The following COL11A1 variants were observed in gnomAD, a reference collection of about 807,000 sequenced individuals.
The protein encoded by COL11A1 is collagen alpha-1(XI) chain.
A neutral mutation model predicts 265.2 loss-of-function variants in COL11A1; 74 were observed. The observed-to-expected ratio is 0.28, with a 90% CI of 0.23 to 0.34. The LOEUF is 0.34. Among genes scored for constraint, COL11A1 ranks in the 10% least tolerant of loss-of-function variants. COL11A1 has a pLI of 1.00. For synonymous variants in COL11A1, 816 were observed against 727.6 expected (o/e 1.12, Z -1.96); for missense variants, 2,165 against 2,263.6 (o/e 0.96, Z 0.88).
At chr1:102,988,621 A>G (rs1246912984) in intron 29 of COL11A1, among the ~76,000 whole-genome samples, 1 of 150,898 alleles carries the variant, frequency 6.6e-6, no homozygotes, top group Non-Finnish European at 1.5e-5. Flanking sequence ...AAAGTGTTTG[A>G]CTTAATCAAT....
intron 38 of COL11A1, among the ~76,000 whole-genome samples, chr1:102,964,446 ACT>A (rs1260413443): frequency 6.6e-6 from 1 of 152,184 alleles, no homozygotes; most frequent in East Asian, 1.9e-4. Flanking sequence ...ATGTTTACAC[ACT>A]CTATAAAATA....
At chr1:102,929,514 G>T (rs1440823261) in intron 46 of COL11A1, among the ~76,000 whole-genome samples, 1 of 152,132 alleles carries the variant, frequency 6.6e-6, no homozygotes, top group East Asian at 1.9e-4. Context: ...ATAGTTTGAA[G>T]TCAGGTAGTG....
chr1:103,066,381 T>C (rs1671146375), intron 4 of COL11A1, among the ~76,000 whole-genome samples: 1 of 151,842 alleles, frequency 6.6e-6, no homozygotes, highest in Non-Finnish European at 1.5e-5. Context: ...GAGATTGAAA[T>C]GTTTCTGCAT....
intron 4 of COL11A1, among the ~76,000 whole-genome samples, chr1:103,054,898 T>A (rs1670120408): frequency 1.3e-5 from 2 of 151,982 alleles, no homozygotes; most frequent in African/African-American, 4.8e-5. Flanking sequence ...TGAAACTCTG[T>A]CTCAAAAAAA....
chr1:103,024,470 A>G (rs1667362921), intron 7 of COL11A1, among the ~76,000 whole-genome samples: 1 of 152,252 alleles, frequency 6.6e-6, no homozygotes, highest in Admixed American at 6.5e-5. Context: ...ATGTAGATAA[A>G]TGATGAGTAA....
chr1:103,076,951 T>C (rs531386631), intron 3 of COL11A1, among the ~76,000 whole-genome samples: 6 of 152,198 alleles, frequency 3.9e-5, no homozygotes, highest in South Asian at 2.1e-4. Flanking sequence ...TAAATACCAA[T>C]ATTTTTGCAT....
chr1:102,975,375 G>T (rs1223834161), intron 35 of COL11A1, among the ~76,000 whole-genome samples: 4 of 151,126 alleles, frequency 2.6e-5, no homozygotes, highest in Non-Finnish European at 5.9e-5. Flanking sequence ...ATCTCAAAAA[G>T]ACCACAGAAG....
At chr1:102,910,881 AT>A (rs144197561) in intron 54 of COL11A1, among the ~76,000 whole-genome samples, 13,908 of 152,078 alleles carry the variant, frequency 0.091, 735 homozygotes, top group Middle Eastern at 0.13. Flanking sequence ...CAGAAAAAAG[AT>A]AAAAAAAATG....
intron 1 of COL11A1, 104 bp downstream of exon 1, chr1:103,107,969 T>C: frequency 1.2e-6 from 1 of 824,292 alleles, no homozygotes; most frequent in Non-Finnish European, 2.0e-6. Context: ...TGCTTTTTTT[T>C]TTTTTTCTTG....
At position 102,888,767 on chromosome 1, in the gene COL11A1, T is replaced by C. The variant is rs542653794; in HGVS notation, c.4519-9A>G. ...TTTGGGCCTTGAGGACCCTACAAAA[T>C]GCAAATGCAAAAGCACAGATAAAAA... On this transcript the variant is annotated splice_polypyrimidine_tract_variant and intron_variant, in intron 60 of 66. Coordinates refer to ENST00000370096, the MANE Select transcript of COL11A1 (RefSeq NM_001854.4). 4 of 1,613,930 alleles carry C rather than the reference T, an allele frequency of 2.5e-6. No homozygotes were observed. The Admixed American group carries it at 5.0e-5, about 20-fold the overall frequency.
intron 37 of COL11A1, among the ~76,000 whole-genome samples, chr1:102,967,110 G>T (rs1448490964): frequency 6.7e-6 from 1 of 149,676 alleles, no homozygotes; most frequent in Admixed American, 6.7e-5. Flanking sequence ...TAGTAGACCT[G>T]TCTTATTCAA....
chr1:102,992,307 G>T (rs1261070347), intron 28 of COL11A1, among the ~76,000 whole-genome samples: 1 of 152,006 alleles, frequency 6.6e-6, no homozygotes, highest in Non-Finnish European at 1.5e-5. Context: ...CATAGTTTTA[G>T]AAGATGTATA....
At chr1:103,066,108 C>T (rs928501229) in intron 4 of COL11A1, among the ~76,000 whole-genome samples, 1 of 151,998 alleles carries the variant, frequency 6.6e-6, no homozygotes, top group Admixed American at 6.6e-5. Flanking sequence ...CTAAGAGATA[C>T]ATCAGTAGCA....
At chr1:103,098,555 C>A (rs1673976802) in intron 1 of COL11A1, among the ~76,000 whole-genome samples, 2 of 151,794 alleles carry the variant, frequency 1.3e-5, no homozygotes, top group South Asian at 4.1e-4. Flanking sequence ...TTGAAAATAT[C>A]TTGCTTATGA....
chr1:102,928,484 T>A (rs1389805456), intron 46 of COL11A1, among the ~76,000 whole-genome samples: 1 of 152,214 alleles, frequency 6.6e-6, no homozygotes, highest in Non-Finnish European at 1.5e-5. Flanking sequence ...CCACATTTTA[T>A]TAATCCAGTC....
chr1:103,100,843 T>A (rs973483469), intron 1 of COL11A1: 1 of 151,910 alleles, frequency 6.6e-6, no homozygotes, highest in Non-Finnish European at 1.5e-5. Flanking sequence ...ATCTTTCACT[T>A]CTCTGTTTTT....
rs556340924 is a variant in COL11A1, at chr1:102,905,274, A to G, written c.4087-6280T>C. On this transcript the variant is annotated intron_variant, in intron 54 of 66. Transcript: ENST00000370096. ...GCATTAGGAGATATACCTAATGCTA[A>G]ATGACGAGTTACTGGGTGCAGCACA... Among the ~76,000 whole-genome samples the G allele has an allele frequency of 1.0e-4, 15 of 150,456 alleles. No homozygotes were observed. The East Asian group carries it at 1.4e-3, about 14-fold the overall frequency.
chr1:102,916,884 T>C (rs1655400177), intron 49 of COL11A1, among the ~76,000 whole-genome samples: 1 of 151,978 alleles, frequency 6.6e-6, no homozygotes, highest in South Asian at 2.1e-4. Flanking sequence ...CAGTAGAATG[T>C]AATGATGTTA....
chr1:103,013,481 A>C (rs1228366432), intron 13 of COL11A1, among the ~76,000 whole-genome samples: 4 of 151,984 alleles, frequency 2.6e-5, no homozygotes, highest in Non-Finnish European at 5.9e-5. Flanking sequence ...TAAGTTATAG[A>C]AATCTTTAGT....
Sources: gnomAD v4.1 joint callset for allele counts (sites outside exome capture counted in the v4.1 genomes callset) on GRCh38, gnomAD v4.1.1 for gene constraint, MANE v1.5 for transcripts, NCBI Gene and HGNC (gene_info 2026-07-23, HGNC 2026-07-21) for gene names.